Variants in LACTBL1 observed in about 807,000 individuals in gnomAD.
LACTBL1 encodes the protein lactamase beta like 1, also known as beta-lactamase-like protein 1.
LACTBL1 carries 29 observed loss-of-function variants against 39.6 expected under a neutral mutation model. The ratio of observed to expected loss-of-function variants is 0.73; its 90% CI spans 0.55 to 1.00. LACTBL1 has a LOEUF of 1.00. LACTBL1 is among the 50% of genes least tolerant of loss of function. The pLI, the probability that LACTBL1 is intolerant of heterozygous loss-of-function variation, is 0.00. For synonymous variants in LACTBL1, 361 were observed against 360.7 expected (o/e 1.00, Z -0.01); for missense variants, 711 against 748.5 (o/e 0.95, Z 0.59).
At chr1:22,962,989 G>C (rs1640841015) in intron 2 of LACTBL1, 118 bp downstream of exon 4, 2 of 472,640 alleles carry the variant, frequency 4.2e-6, no homozygotes, top group Non-Finnish European at 7.1e-6. Flanking sequence ...AGATGCTCAA[G>C]AAATACATGT....
chr1:22,967,127 G>T (rs1179442596), upstream of LACTBL1, among the ~76,000 whole-genome samples: 1 of 152,126 alleles, frequency 6.6e-6, no homozygotes, highest in Non-Finnish European at 1.5e-5. Context: ...CTAGCACTTT[G>T]AGAGGCCAAG....
chr1:22,972,062 T>C, the LACTBL1 span, among the ~76,000 whole-genome samples: 4 of 152,016 alleles, frequency 2.6e-5, no homozygotes, highest in Non-Finnish European at 5.9e-5. Context: ...GGAGTTAGTT[T>C]CTGGTTTGTT....
chr1:22,967,140 G>A (rs1194949964), upstream of LACTBL1, among the ~76,000 whole-genome samples: 8 of 152,212 alleles, frequency 5.3e-5, no homozygotes, highest in South Asian at 2.1e-4. Context: ...AGGCCAAGGC[G>A]GGTGGATCAC....
At chr1:22,965,193 G>A (rs1640864145) in intron 1 of LACTBL1, 97 bp downstream of exon 3, 1 of 1,065,302 alleles carries the variant, frequency 9.4e-7, no homozygotes, top group Non-Finnish European at 1.2e-6. Context: ...TAAATCTTAT[G>A]GTCCTCCCCT....
At chr1:22,967,830 G>A (rs937080769), upstream of LACTBL1, among the ~76,000 whole-genome samples, 3 of 152,050 alleles carry the variant, frequency 2.0e-5, no homozygotes, top group African/African-American at 7.2e-5. Flanking sequence ...AAGGATTGTT[G>A]TTTGTTTTGT....
chr1:22,960,529 A>C (rs1640810557), intron 2 of LACTBL1, among the ~76,000 whole-genome samples: 2 of 149,702 alleles, frequency 1.3e-5, no homozygotes, highest in South Asian at 4.2e-4. Context: ...AGGCAGGAGA[A>C]TCACTTGAAC....
exon 6 of LACTBL1, chr1:22,953,456 C>G: frequency 1.6e-6 from 2 of 1,227,528 alleles, no homozygotes; most frequent in Non-Finnish European, 2.0e-6. Flanking sequence ...AGGGCGCGCT[C>G]CAGGGCGGGC....
chr1:22,972,492 G>A, the LACTBL1 span: 11 of 944,302 alleles, frequency 1.2e-5, no homozygotes, highest in South Asian at 9.8e-5. Context: ...ACGAGGATGC[G>A]GGGGATCAAA....
the LACTBL1 span, chr1:22,972,256 T>C: frequency 9.2e-6 from 9 of 980,756 alleles, no homozygotes; most frequent in Non-Finnish European, 1.1e-5. Flanking sequence ...TGGTCAGACA[T>C]GTGTCAGAAG....
At position 22,963,605 on chromosome 1, in the gene LACTBL1, G is replaced by A. The variant is rs1248759922; in HGVS notation, c.50-389C>T. Reference sequence around the variant, plus strand: ...TGGGTGGACTTCGAGCCCCACTTAGGACCCAGGCCTAAACCACAGCGACAA... The same window carrying A: ...TGGGTGGACTTCGAGCCCCACTTAGAACCCAGGCCTAAACCACAGCGACAA... On this transcript the variant is annotated intron_variant, in intron 1 of 5. Coordinates refer to ENST00000426928, the Ensembl canonical transcript of LACTBL1. Among the ~76,000 whole-genome samples, 4 of 152,168 alleles carry A rather than the reference G, an allele frequency of 2.6e-5. No individual in the cohort carries two copies. In the East Asian group the frequency reaches 7.7e-4, roughly 29 times the overall value.
At chr1:22,969,544 A>G (rs904891090), upstream of LACTBL1, among the ~76,000 whole-genome samples, 1 of 152,092 alleles carries the variant, frequency 6.6e-6, no homozygotes, top group African/African-American at 2.4e-5. Context: ...ACAGGAAACA[A>G]TCTGGCAAGA....
chr1:22,953,297 G>T (rs1430583067), exon 6 of LACTBL1: 24 of 1,226,296 alleles, frequency 2.0e-5, no homozygotes, highest in Non-Finnish European at 2.4e-5. Context: ...GGAGGCACCA[G>T]CGCCTCCACG....
chr1:22,955,245 TG>T, intron 5 of LACTBL1, 75 bp downstream of exon 7: 1 of 1,181,726 alleles, frequency 8.5e-7, no homozygotes, highest in Non-Finnish European at 1.2e-6. Flanking sequence ...TGAGGTGATG[TG>T]GGCTCTTTGC....
intron 4 of LACTBL1, among the ~76,000 whole-genome samples, chr1:22,957,970 A>G (rs1225881972): frequency 6.6e-6 from 1 of 151,628 alleles, no homozygotes; most frequent in African/African-American, 2.4e-5. Context: ...TCTTAAGAGT[A>G]TTTTCTGTGA....
exon 6 of LACTBL1, chr1:22,953,472 C>T (rs1396130645): frequency 9.8e-6 from 12 of 1,228,516 alleles, no homozygotes; most frequent in Non-Finnish European, 1.0e-5. Context: ...CGGGCAGGAG[C>T]TCATCGTAGG....
intron 5 of LACTBL1, among the ~76,000 whole-genome samples, 151 bp from the exon 8 acceptor site, chr1:22,954,175 C>G (rs1160257241): frequency 6.6e-6 from 1 of 152,218 alleles, no homozygotes; most frequent in Admixed American, 6.5e-5. Context: ...GACTTTGGAG[C>G]ACTGACTCTG....
At chr1:22,971,254 AC>A in the LACTBL1 span, among the ~76,000 whole-genome samples, 1 of 151,578 alleles carries the variant, frequency 6.6e-6, no homozygotes, top group African/African-American at 2.4e-5. Flanking sequence ...GGATCTCTAC[AC>A]CCCCAATTTG....
At chr1:22,955,283 T>A in intron 5 of LACTBL1, 38 bp downstream of exon 7, 1 of 1,491,518 alleles carries the variant, frequency 6.7e-7, no homozygotes, top group Non-Finnish European at 9.1e-7. Context: ...CCCAGGAGGC[T>A]CCTAACATGA....
At chr1:22,971,367 G>A in the LACTBL1 span, among the ~76,000 whole-genome samples, 1 of 152,166 alleles carries the variant, frequency 6.6e-6, no homozygotes, top group African/African-American at 2.4e-5. Flanking sequence ...TAAGCTGCTT[G>A]CCAGCTGCTC....
Sources: allele counts gnomAD v4.1 joint callset (sites outside exome capture counted in the v4.1 genomes callset), GRCh38; gene constraint gnomAD v4.1.1; transcripts MANE v1.5; gene names NCBI Gene and HGNC (gene_info 2026-07-23, HGNC 2026-07-21).